LAMC1: variants seen among roughly 807,000 people sequenced by gnomAD.
LAMC1 encodes the protein laminin subunit gamma-1.
A neutral mutation model predicts 173.6 loss-of-function variants in LAMC1; 38 were observed. The ratio of observed to expected loss-of-function variants is 0.22; its 90% CI spans 0.17 to 0.29. The LOEUF is 0.29. Among genes scored for constraint, LAMC1 ranks in the 10% least tolerant of loss-of-function variants. LAMC1 has a pLI of 1.00. For synonymous variants in LAMC1, 746 were observed against 749.1 expected (o/e 1.00, Z 0.07); for missense variants, 1,824 against 2,051.8 (o/e 0.89, Z 2.14).
At position 183,136,494 on chromosome 1, in the gene LAMC1, C is replaced by T. The variant is rs1558061222; in HGVS notation, c.4223C>T (p.Ala1408Val). 6.2e-7 allele frequency: 1 copy of T among 1,614,196 alleles called. No individual in the cohort carries two copies. Among genetic ancestry groups the T allele is most frequent in the South Asian group, 1.1e-5 (1 of 91,080 alleles). The change falls in exon 25 of 28, where the codon GCC (alanine) becomes GTC (valine). Residue 1408 changes from alanine (A) to valine (V), a missense_variant. Ala to Val is a moderately conservative substitution (Grantham distance 64). Coordinates refer to ENST00000258341, the MANE Select transcript of LAMC1 (RefSeq NM_002293.4). ...ITEANEKTRE[A>V]QQALGSAAAD... The stretch of plus-strand genomic sequence containing the variant: ...GAAGCCAATGAAAAGACCAGAGAAG[C>T]CCAGCAGGCCCTGGGCAGTGCTGCG...
intron 1 of LAMC1, among the ~76,000 whole-genome samples, chr1:183,038,624 T>C (rs1654045218): frequency 1.3e-5 from 2 of 152,232 alleles, no homozygotes; most frequent in African/African-American, 4.8e-5. Flanking sequence ...TGAAATGAGC[T>C]GAACAGCTTT....
intron 1 of LAMC1, among the ~76,000 whole-genome samples, chr1:183,055,912 T>A (rs1571412581): frequency 1.3e-5 from 2 of 152,356 alleles, no homozygotes; most frequent in East Asian, 3.9e-4. Flanking sequence ...ATGAGCTTAA[T>A]AAAATTGAGG....
intron 4 of LAMC1, among the ~76,000 whole-genome samples, chr1:183,112,558 G>A (rs1028834186): frequency 6.6e-6 from 1 of 152,112 alleles, no homozygotes. Flanking sequence ...TACATTAATT[G>A]TCAGGATGCT....
chr1:183,065,266 A>ATG (rs1243942674), intron 1 of LAMC1, among the ~76,000 whole-genome samples: 1 of 152,114 alleles, frequency 6.6e-6, no homozygotes, highest in Non-Finnish European at 1.5e-5. Flanking sequence ...GCATGACTGT[A>ATG]TGTATAGCGA....
chr1:183,025,264 A>G (rs931631489), intron 1 of LAMC1, among the ~76,000 whole-genome samples: 6 of 152,186 alleles, frequency 3.9e-5, no homozygotes, highest in Non-Finnish European at 7.3e-5. Flanking sequence ...TCTTTTGATC[A>G]TGATTTTGCT....
intron 22 of LAMC1, among the ~76,000 whole-genome samples, chr1:183,133,788 C>A (rs1656864737): frequency 6.6e-6 from 1 of 152,130 alleles, no homozygotes; most frequent in African/African-American, 2.4e-5. Flanking sequence ...CAAGACCAGC[C>A]TGGTCAACAT....
chr1:183,040,973 T>C (rs1341157463), intron 1 of LAMC1, among the ~76,000 whole-genome samples: 1 of 152,186 alleles, frequency 6.6e-6, no homozygotes, highest in Non-Finnish European at 1.5e-5. Context: ...AATAAATGCT[T>C]CCCAGAATGT....
Position 183,132,396 on chromosome 1 carries a change from A to G in LAMC1, c.3567-4A>G, listed in dbSNP as rs1322798687. On this transcript the variant is annotated splice_region_variant and splice_polypyrimidine_tract_variant and intron_variant, in intron 20 of 27. Transcript: ENST00000258341. ...ATGGCTTATTTTTTGTTTTATCTGT[A>G]TAGTCATAAACAGGAAGCTGATGAC... 6 of 1,611,924 alleles carry G rather than the reference A, an allele frequency of 3.7e-6. No individual in the cohort carries two copies. Among genetic ancestry groups the G allele is most frequent in the Admixed American group, 3.3e-5 (2 of 59,914 alleles).
At chr1:183,089,055 A>G (rs1655503203) in intron 1 of LAMC1, among the ~76,000 whole-genome samples, 1 of 152,194 alleles carries the variant, frequency 6.6e-6, no homozygotes, top group Admixed American at 6.5e-5. Context: ...AATACTTTCC[A>G]TCTTCTTCCT....
intron 1 of LAMC1, among the ~76,000 whole-genome samples, chr1:183,051,150 A>G (rs1329767562): frequency 6.6e-6 from 1 of 152,198 alleles, no homozygotes; most frequent in East Asian, 1.9e-4. Context: ...ATGACCACAG[A>G]TGCTTTGACA....
At chr1:183,032,664 A>T (rs1653876267) in intron 1 of LAMC1, among the ~76,000 whole-genome samples, 2 of 152,198 alleles carry the variant, frequency 1.3e-5, no homozygotes, top group Non-Finnish European at 2.9e-5. Context: ...CTGGGATTAT[A>T]GGCATGAGTC....
intron 24 of LAMC1, 109 bp from the exon 25 acceptor site, chr1:183,136,277 T>A: frequency 1.1e-6 from 1 of 893,318 alleles, no homozygotes; most frequent in South Asian, 1.6e-5. Flanking sequence ...TTCCATTTTT[T>A]ACCCTGACTT....
chr1:183,063,192 A>G (rs191022251), intron 1 of LAMC1, among the ~76,000 whole-genome samples: 55 of 152,296 alleles, frequency 3.6e-4, no homozygotes, highest in Middle Eastern at 6.8e-3. Context: ...AGAATAGTCA[A>G]ATTTCTTTTG....
chr1:183,026,573 A>G (rs1653693223), intron 1 of LAMC1, among the ~76,000 whole-genome samples: 1 of 152,198 alleles, frequency 6.6e-6, no homozygotes, highest in Non-Finnish European at 1.5e-5. Flanking sequence ...ATTTCCCATG[A>G]ATTAAAGTAC....
intron 24 of LAMC1, among the ~76,000 whole-genome samples, chr1:183,135,367 C>A (rs901883368): frequency 6.6e-6 from 1 of 152,110 alleles, no homozygotes; most frequent in Non-Finnish European, 1.5e-5. Context: ...TCTTATTAGG[C>A]AAACTCACAT....
At chr1:183,135,924 T>C (rs1656926943) in intron 24 of LAMC1, among the ~76,000 whole-genome samples, 1 of 148,386 alleles carries the variant, frequency 6.7e-6, no homozygotes, top group Admixed American at 6.8e-5. Context: ...TAGTTCAAAA[T>C]ATGGACTCTG....
chr1:183,084,023 A>G (rs919010469), intron 1 of LAMC1, among the ~76,000 whole-genome samples: 1 of 152,322 alleles, frequency 6.6e-6, no homozygotes, highest in East Asian at 1.9e-4. Context: ...TCTTTACAAT[A>G]TAACTACTCA....
intron 1 of LAMC1, among the ~76,000 whole-genome samples, chr1:183,033,429 A>G (rs1449125975): frequency 6.6e-6 from 1 of 152,186 alleles, no homozygotes; most frequent in East Asian, 1.9e-4. Context: ...ATGTGGTAAA[A>G]TGGTAAGTCT....
At chr1:183,095,124 T>TGG (rs1472588306) in intron 1 of LAMC1, among the ~76,000 whole-genome samples, 4 of 152,082 alleles carry the variant, frequency 2.6e-5, no homozygotes, top group Non-Finnish European at 4.4e-5. Context: ...GGACTACAGG[T>TGG]GTGAGCCACC....
Sources: gnomAD v4.1 joint callset for allele counts (sites outside exome capture counted in the v4.1 genomes callset) on GRCh38, gnomAD v4.1.1 for gene constraint, MANE v1.5 for transcripts, NCBI Gene and HGNC (gene_info 2026-07-23, HGNC 2026-07-21) for gene names.